ARHGAP30: variants seen among roughly 807,000 people sequenced by gnomAD.
ARHGAP30 encodes the protein Rho GTPase activating protein 30.
Under a neutral mutation model 72.0 loss-of-function variants are expected in ARHGAP30, and 23 were observed. That is an observed-to-expected ratio of 0.32 (90% CI 0.23 to 0.45). ARHGAP30 has a LOEUF of 0.45. Ranked by LOEUF, ARHGAP30 falls within the 20% of genes least tolerant of loss-of-function variation. ARHGAP30 has a pLI of 1.00. For missense variants in ARHGAP30, 1,319 were observed against 1,383.4 expected (o/e 0.95, Z 0.74); for synonymous variants, 576 against 528.2 (o/e 1.09, Z -1.24).
chr1:161,047,035 C>A lies in ARHGAP30; in HGVS notation c.*680G>T. 2.2e-6 allele frequency: 1 copy of A among 460,614 alleles called. No homozygotes were observed. Among genetic ancestry groups the A allele is most frequent in the Non-Finnish European group, 4.5e-6 (1 of 224,170 alleles). 28.5% of individuals were successfully genotyped at this position (460,614 alleles called of 1,614,324 possible). On this transcript the variant is annotated 3_prime_UTR_variant, in exon 12 of 12. Coordinates refer to ENST00000368013, the MANE Select transcript of ARHGAP30 (RefSeq NM_001025598.2). ...CTGGCTGGAGAAGCAGTCCCAGGGC[C>A]TGAGTGACACCATTTCCCTTTCCTG...
At chr1:161,060,132 C>A in intron 1 of ARHGAP30, 1 of 394,914 alleles carries the variant, frequency 2.5e-6, no homozygotes, top group Admixed American at 3.2e-5. Context: ...AATACAAACA[C>A]AAATGGGGTG....
intron 1 of ARHGAP30, among the ~76,000 whole-genome samples, chr1:161,066,890 C>G (rs767038816): frequency 5.9e-5 from 9 of 152,070 alleles, no homozygotes; most frequent in African/African-American, 1.4e-4. Flanking sequence ...GCTGTACTCT[C>G]GGGTGCCTAA....
At position 161,052,491 on chromosome 1, in the gene ARHGAP30, G is replaced by A; in HGVS notation, c.889C>T (p.Arg297Cys). 4 of 1,613,624 alleles carry A rather than the reference G, an allele frequency of 2.5e-6. No homozygotes were observed. Among genetic ancestry groups the A allele is most frequent in the Non-Finnish European group, 3.4e-6 (4 of 1,179,966 alleles). Reference sequence around the variant, plus strand: ...TTACGCTTAGTCTCATGGCCAGAGCGACCTAAATTGAAGATAGACCTCCAC... The same window carrying A: ...TTACGCTTAGTCTCATGGCCAGAGCAACCTAAATTGAAGATAGACCTCCAC... ...RKWRSIFNLG[R>C]SGHETKRKLP... is the part of the protein sequence containing the mutation. Residue 297 changes from arginine (R) to cysteine (C), a missense_variant, in exon 8 of 12, where the codon CGC (arginine) becomes TGC (cysteine). By Grantham distance (180) the Arg-to-Cys change is radical. This residue lies in a region of ARHGAP30 where 1,097 missense variants were observed against 1,045.2 expected (regional missense o/e 1.05). Transcript: ENST00000368013.
At chr1:161,058,321 A>G (rs972143656) in intron 2 of ARHGAP30, among the ~76,000 whole-genome samples, 2 of 149,846 alleles carry the variant, frequency 1.3e-5, no homozygotes, top group African/African-American at 4.9e-5. Flanking sequence ...CAAAAAATAA[A>G]TAAATAAATA....
Position 161,048,597 on chromosome 1 carries a change from A to G in ARHGAP30, c.2424T>C (p.His808=), listed in dbSNP as rs765283466. 3 of 1,613,476 alleles carry G rather than the reference A, an allele frequency of 1.9e-6. No homozygotes were observed. Among genetic ancestry groups the G allele is most frequent in the Admixed American group, 3.3e-5 (2 of 59,960 alleles). The part of the protein sequence containing the change: ...EDKGQREKGY[H]EARKDQGDGE... ...CATCTCCTTGGTCTTTTCTTGCTTCATGGTACCCCTTCTCCCTCTGTCCTT... is the reference window on the plus strand; with the variant it reads ...CATCTCCTTGGTCTTTTCTTGCTTCGTGGTACCCCTTCTCCCTCTGTCCTT... The change falls in exon 12 of 12, where the codon CAT becomes CAC. Residue 808 remains histidine, a synonymous_variant. Transcript: ENST00000368013.
In ARHGAP30 at chr1:161,069,878, C is replaced by G. The variant is rs1653051705; in HGVS notation, c.-254G>C. Reference sequence around the variant, plus strand: ...GAAATTGTGTCCTGTGTCTCGTGGCCCAGCCTGGCACTCGCCCTCCTCGCC... The same window carrying G: ...GAAATTGTGTCCTGTGTCTCGTGGCGCAGCCTGGCACTCGCCCTCCTCGCC... On this transcript the variant is annotated 5_prime_UTR_variant, in exon 1 of 12. Transcript: ENST00000368013. This position sits in a 1 kb window ranked among gnomAD's most constrained non-coding sequence, Gnocchi z 4.9. 1 of 546,412 alleles carries G rather than the reference C, an allele frequency of 1.8e-6. No individual in the cohort carries two copies. The highest frequency in any genetic ancestry group is 3.3e-6 in the Non-Finnish European group (1 of 302,788). The allele number at this position is 546,412 out of a possible 1,614,324, so 33.8% of individuals were successfully genotyped here.
Position 161,051,423 on chromosome 1 carries a change from G to A in ARHGAP30, c.1311C>T (p.Asn437=), listed in dbSNP as rs375171904. 34 of 1,614,224 alleles carry A rather than the reference G, an allele frequency of 2.1e-5. No homozygotes were observed. The highest frequency in any genetic ancestry group is 3.3e-4 in the Middle Eastern group (2 of 6,062). The change falls in exon 10 of 12, where the codon AAC becomes AAT. Residue 437 remains asparagine, a synonymous_variant. Coordinates refer to ENST00000368013, the MANE Select transcript of ARHGAP30 (RefSeq NM_001025598.2). ...CACGGGTGAGCCTGGCCAAGGAAAC[G>A]TTAGAGATGATGTTCGGGGGCACAC... is the stretch of plus-strand genomic sequence containing the variant. ...ILSVPPNIIS[N]VSLARLTRGL...
In ARHGAP30 at chr1:161,048,869, C is replaced by T. The variant is rs146025756; in HGVS notation, c.2152G>A (p.Glu718Lys). The T allele has an allele frequency of 8.1e-6, 13 of 1,613,988 alleles. No homozygotes were observed. Among genetic ancestry groups the T allele is most frequent in the African/African-American group, 2.7e-5 (2 of 74,864 alleles). ...GCCTTCTTCTGACCTTTGGACTTCT[C>T]TTCCTTGGCCTCTGTCTCTTCCCTA... is the stretch of plus-strand genomic sequence containing the variant. ...GSREETEAKE[E>K]KSKGQKKADS... Residue 718 changes from glutamate (E) to lysine (K), a missense_variant, in exon 12 of 12, where the codon GAG becomes AAG. Glu to Lys is a moderately conservative substitution (Grantham distance 56). Coordinates refer to ENST00000368013, the MANE Select transcript of ARHGAP30 (RefSeq NM_001025598.2).
intron 1 of ARHGAP30, chr1:161,060,092 G>A (rs913833302): frequency 2.8e-6 from 1 of 353,410 alleles, no homozygotes; most frequent in African/African-American, 2.1e-5. Context: ...ATCAGACTGA[G>A]TAACATGCTG....
chr1:161,069,570 C>G lies in ARHGAP30; in HGVS notation c.55G>C (p.Gly19Arg), dbSNP rs1392166906. 1.9e-6 allele frequency: 3 copies of G among 1,611,678 alleles called. No homozygotes were observed. The highest frequency in any genetic ancestry group is 2.5e-6 in the Non-Finnish European group (3 of 1,180,008). The change falls in exon 1 of 12, where the codon GGG (glycine) becomes CGG (arginine). Residue 19 changes from glycine to arginine, a missense_variant. Physicochemically the swap from Gly to Arg is moderately radical, Grantham distance 125 (BLOSUM62 -2). Coordinates refer to ENST00000368013, the MANE Select transcript of ARHGAP30 (RefSeq NM_001025598.2). This position sits in a 1 kb window ranked among gnomAD's most constrained non-coding sequence, Gnocchi z 4.9. ...KKGSAKERVF[G>R]CDLQEHLQHS... ...TGCAGGTGCTCCTGCAAGTCGCACC[C>G]AAAAACCCGCTCCTTTGCGCTGCCC... is the stretch of plus-strand genomic sequence containing the variant.
intron 5 of ARHGAP30, 86 bp from the exon 6 acceptor site, chr1:161,053,471 TC>T (rs1651580460): frequency 3.4e-6 from 3 of 886,560 alleles, no homozygotes; most frequent in African/African-American, 6.8e-5. Flanking sequence ...ATTCTCTCTC[TC>T]TCTCTCTCTC....
intron 1 of ARHGAP30, among the ~76,000 whole-genome samples, chr1:161,063,845 C>T (rs1326555193): frequency 6.6e-6 from 1 of 152,146 alleles, no homozygotes; most frequent in African/African-American, 2.4e-5. Context: ...GTCCAGATTG[C>T]AGAGGTGAAA....
Position 161,069,389 on chromosome 1 carries a change from G to A in ARHGAP30, c.97+139C>T. On this transcript the variant is annotated intron_variant, in intron 1 of 11. Coordinates refer to ENST00000368013, the MANE Select transcript of ARHGAP30 (RefSeq NM_001025598.2). This position sits in a 1 kb window ranked among gnomAD's most constrained non-coding sequence, Gnocchi z 4.9. ...ACATTTCCTGTCTTGCCCACTTACAGTTCTCTTGAATGGTGACCCCAGGCC... is the reference window on the plus strand; with the variant it reads ...ACATTTCCTGTCTTGCCCACTTACAATTCTCTTGAATGGTGACCCCAGGCC... 1.3e-6 allele frequency: 1 copy of A among 797,904 alleles called. No individual in the cohort carries two copies. Among genetic ancestry groups the A allele is most frequent in the Non-Finnish European group, 2.0e-6 (1 of 502,510 alleles). 49.4% of individuals were successfully genotyped at this position (797,904 alleles called of 1,614,324 possible).
Position 161,048,546 on chromosome 1 carries a change from T to A in ARHGAP30, c.2475A>T (p.Ala825=). ...GDGEDSRSPE[A]ATEGGAGEVS... is the part of the protein sequence containing the mutation. ...CCTCCCCTGCTCCTCCTTCAGTTGC[T>A]GCTTCTGGGCTTCTGCTGTCTTCAC... Residue 825 remains alanine (A), a synonymous_variant, in exon 12 of 12, where the codon GCA becomes GCT. Transcript: ENST00000368013. The A allele has an allele frequency of 6.2e-7, 1 of 1,614,198 alleles. No homozygotes were observed. Among genetic ancestry groups the A allele is most frequent in the South Asian group, 1.1e-5 (1 of 91,084 alleles).
At chr1:161,058,065 C>A (rs928884603) in intron 2 of ARHGAP30, among the ~76,000 whole-genome samples, 2 of 151,916 alleles carry the variant, frequency 1.3e-5, no homozygotes, top group Non-Finnish European at 2.9e-5. Context: ...GCAGGAGAAT[C>A]GCTTGAACCC....
Position 161,048,167 on chromosome 1 carries a change from C to T in ARHGAP30, c.2854G>A (p.Ala952Thr), listed in dbSNP as rs942323166. 6.2e-7 allele frequency: 1 copy of T among 1,614,210 alleles called. No homozygotes were observed. Among genetic ancestry groups the T allele is most frequent in the African/African-American group, 1.3e-5 (1 of 75,052 alleles). Residue 952 changes from alanine to threonine, a missense_variant, in exon 12 of 12, where the codon GCA (alanine) becomes ACA (threonine). Transcript: ENST00000368013. ...GCCACATGAATCTTGCTACACATTG[C>T]ACTGGGCATCTTGGCAAACTGTGGC... The part of the protein sequence containing the change: ...PKPQFAKMPS[A>T]MCSKIHVAPA...
At position 161,054,709 on chromosome 1, in the gene ARHGAP30, A is replaced by T; in HGVS notation, c.346-4T>A. On this transcript the variant is annotated splice_polypyrimidine_tract_variant and splice_region_variant and intron_variant, in intron 3 of 11. Coordinates refer to ENST00000368013, the MANE Select transcript of ARHGAP30 (RefSeq NM_001025598.2). ...CCAATTGCACTCCTACAGCCTCCTG[A>T]TTGAGAAGAGTGCAAGAAGCAGGAA... 6.2e-7 allele frequency: 1 copy of T among 1,613,762 alleles called. No individual in the cohort carries two copies. The highest frequency in any genetic ancestry group is 8.5e-7 in the Non-Finnish European group (1 of 1,179,860).
chr1:161,064,843 A>AG (rs1652636350), intron 1 of ARHGAP30, among the ~76,000 whole-genome samples: 1 of 80,742 alleles, frequency 1.2e-5, no homozygotes, highest in Non-Finnish European at 2.9e-5. Context: ...GAAAGAAAGA[A>AG]AGAAAGGAAA....
rs1443643855 is a variant in ARHGAP30, at chr1:161,049,289, C to G, written c.1732G>C (p.Asp578His). ...GGGGCCAAGACAAACTGTGCCTCAT[C>G]CAGAGACAGGTCATCCAGGGGTGGC... is the stretch of plus-strand genomic sequence containing the variant. ...VEPPLDDLSL[D>H]EAQFVLAPSC... Residue 578 changes from aspartate (D) to histidine (H), a missense_variant, in exon 12 of 12, where the codon GAT (aspartate) becomes CAT (histidine). This residue lies in a region of ARHGAP30 where 1,097 missense variants were observed against 1,045.2 expected (regional missense o/e 1.05). Transcript: ENST00000368013. The G allele has an allele frequency of 6.2e-7, 1 of 1,614,086 alleles. No homozygotes were observed. Among genetic ancestry groups the G allele is most frequent in the Non-Finnish European group, 8.5e-7 (1 of 1,179,994 alleles).
Sources: allele counts gnomAD v4.1 joint callset (sites outside exome capture counted in the v4.1 genomes callset), GRCh38; gene constraint gnomAD v4.1.1; regional missense constraint gnomAD v4.1.1; non-coding constraint Gnocchi (gnomAD v3.1); transcripts MANE v1.5; gene names NCBI Gene and HGNC (gene_info 2026-07-23, HGNC 2026-07-21).